RUVBL2: variants seen among roughly 807,000 people sequenced by gnomAD.
RUVBL2 encodes RuvB like AAA ATPase 2.
A neutral mutation model predicts 57.9 loss-of-function variants in RUVBL2; 9 were observed. The observed-to-expected ratio is 0.16, with a 90% CI of 0.09 to 0.27. RUVBL2 has a LOEUF of 0.27. Among genes scored for constraint, RUVBL2 ranks in the 10% least tolerant of loss-of-function variants. The probability of loss-of-function intolerance (pLI) is 1.00; values close to 1 mark genes in which losing one functional copy is unlikely to be tolerated. For missense variants in RUVBL2, 456 were observed against 669.6 expected (o/e 0.68, Z 3.52); for synonymous variants, 278 against 264.6 (o/e 1.05, Z -0.49).
In RUVBL2 at chr19:49,010,307, C is replaced by T. The variant is rs755274653; in HGVS notation, c.664-181C>T. On this transcript the variant is annotated intron_variant, in intron 8 of 14. Coordinates refer to ENST00000595090, the MANE Select transcript of RUVBL2 (RefSeq NM_006666.3). ...CTCCGGGAGCCCCCGTGACCCTCAG[C>T]GCTCTGGAATGTCCCTAGTCCTGAC... is the stretch of plus-strand genomic sequence containing the variant. 1.8e-4 allele frequency: 126 copies of T among 705,400 alleles called. 1 individual carries two copies. Among genetic ancestry groups the T allele is most frequent in the African/African-American group, 1.1e-3 (59 of 56,030 alleles). The allele number at this position is 705,400 out of a possible 1,614,324, so 43.7% of individuals were successfully genotyped here.
intron 6 of RUVBL2, among the ~76,000 whole-genome samples, chr19:49,009,160 CAAAAAAAAAAAAAAAAAAA>C (rs61402282): frequency 0.016 from 349 of 21,424 alleles, 12 homozygotes; most frequent in African/African-American, 0.068. Context: ...GACTCTATCT[CAAAAAAAAAAAAAAAAAAA>C]AAAAAAAAAA....
At chr19:49,010,215 C>A in intron 8 of RUVBL2, 149 bp downstream of exon 8, 1 of 803,514 alleles carries the variant, frequency 1.2e-6, no homozygotes, top group South Asian at 1.6e-5. Context: ...AACCCTAGGA[C>A]AGCAGGGCCC....
rs954075365 is a variant in RUVBL2, at chr19:49,011,594, G to A, written c.1001+284G>A. ...CCCAGGGTGCTGCAGGAAACTCACA[G>A]GAGTGCTGTGGGATGTTTTCTAGTC... is the stretch of plus-strand genomic sequence containing the variant. On this transcript the variant is annotated intron_variant, in intron 11 of 14. Transcript: ENST00000595090. The surrounding 1 kb of genome is among the most constrained non-coding windows in gnomAD (Gnocchi z 4.4). Among the ~76,000 whole-genome samples, 1 of 152,226 alleles carries A rather than the reference G, an allele frequency of 6.6e-6. No homozygotes were observed. Among genetic ancestry groups the A allele is most frequent in the African/African-American group, 2.4e-5 (1 of 41,450 alleles).
intron 2 of RUVBL2, chr19:49,001,594 A>G (rs1298153706): frequency 6.6e-6 from 1 of 150,990 alleles, no homozygotes; most frequent in Non-Finnish European, 1.5e-5. Flanking sequence ...CACTGGGGTC[A>G]GCAAATCTTT....
chr19:49,004,681 C>G (rs919487207), intron 4 of RUVBL2, among the ~76,000 whole-genome samples: 9 of 152,124 alleles, frequency 5.9e-5, no homozygotes, highest in African/African-American at 2.2e-4. Flanking sequence ...TCCAAGAGGG[C>G]TGCCAGAGCT....
At chr19:48,999,200 C>T in intron 1 of RUVBL2, 119 bp from the exon 2 acceptor site, 1 of 1,077,710 alleles carries the variant, frequency 9.3e-7, no homozygotes, top group Non-Finnish European at 1.4e-6. Flanking sequence ...TGGTGCCTGT[C>T]CCATCGCCTG....
chr19:49,015,242 A>G (rs2039521953), intron 13 of RUVBL2, 92 bp downstream of exon 13: 7 of 1,515,698 alleles, frequency 4.6e-6, no homozygotes. Flanking sequence ...TCATCCTAGA[A>G]TGTACGTTTT....
At chr19:49,004,243 A>G (rs1185572313) in intron 3 of RUVBL2, 34 bp from the exon 4 acceptor site, 3 of 1,605,576 alleles carry the variant, frequency 1.9e-6, no homozygotes, top group Non-Finnish European at 1.7e-6. Flanking sequence ...GTAGCCCCAC[A>G]GGAAATCACC....
At chr19:49,008,008 CT>C (rs915809242) in intron 6 of RUVBL2, among the ~76,000 whole-genome samples, 1,300 of 90,404 alleles carry the variant, frequency 0.014, 25 homozygotes, top group African/African-American at 0.044. Flanking sequence ...TACCTGGCCT[CT>C]TTTTTTTTTT....
rs543755364 is a variant in RUVBL2, at chr19:48,998,725, A to G, written c.13-594A>G. On this transcript the variant is annotated intron_variant, in intron 1 of 14. Coordinates refer to ENST00000595090, the MANE Select transcript of RUVBL2 (RefSeq NM_006666.3). ...TCCGTCTCAAAAAATAAGAAAAAAA[A>G]AAAAGAAATGGGGAGGACTTAGCCG... Among the ~76,000 whole-genome samples the G allele has an allele frequency of 8.2e-5, 12 of 145,618 alleles. No homozygotes were observed. In the East Asian group the frequency reaches 2.1e-3, roughly 26 times the overall value.
In RUVBL2 at chr19:49,010,011, C is replaced by G; in HGVS notation, c.608C>G (p.Ser203Cys). The G allele has an allele frequency of 6.3e-7, 1 of 1,591,566 alleles. No homozygotes were observed. Among genetic ancestry groups the G allele is most frequent in the East Asian group, 2.2e-5 (1 of 44,628 alleles). The change falls in exon 8 of 15, where the codon TCC becomes TGC. Residue 203 changes from serine to cysteine, a missense_variant. Ser to Cys is a moderately radical substitution (Grantham distance 112). Around this residue, in one of 5 missense-constraint regions of RUVBL2, gnomAD observed 233 missense variants for 306.0 expected, o/e 0.76. Transcript: ENST00000595090. ...ITIDKATGKI[S>C]KLGRSFTRAR... The stretch of plus-strand genomic sequence containing the variant: ...ATCGACAAGGCGACGGGCAAGATCT[C>G]CAAGCTGGGCCGCTCCTTCACACGC...
At chr19:48,993,740 C>G, upstream of RUVBL2, 1 of 795,394 alleles carries the variant, frequency 1.3e-6, no homozygotes, top group South Asian at 1.6e-5. Flanking sequence ...CGTCTTCCAG[C>G]GCAGCCTCGG....
At chr19:49,007,474 A>G (rs1168024693) in intron 6 of RUVBL2, 106 bp downstream of exon 6, 7 of 1,025,970 alleles carry the variant, frequency 6.8e-6, no homozygotes, top group Non-Finnish European at 8.7e-6. Flanking sequence ...GGAATGTTCT[A>G]GCTGCAGACT....
chr19:49,013,575 G>C (rs964180317), intron 11 of RUVBL2, among the ~76,000 whole-genome samples: 34 of 152,262 alleles, frequency 2.2e-4, no homozygotes, highest in African/African-American at 7.9e-4. Flanking sequence ...CTCCATGTTA[G>C]AGAATAAACA....
At chr19:49,005,520 G>A (rs993694445) in intron 4 of RUVBL2, among the ~76,000 whole-genome samples, 6 of 152,128 alleles carry the variant, frequency 3.9e-5, no homozygotes, top group African/African-American at 1.4e-4. Flanking sequence ...CCTGAGCTAA[G>A]CCTAGTAGGA....
chr19:49,004,488 C>T, intron 4 of RUVBL2, 70 bp downstream of exon 4: 1 of 1,465,668 alleles, frequency 6.8e-7, no homozygotes, highest in Non-Finnish European at 9.3e-7. Context: ...AAGTCAGGGT[C>T]AGGATGAGCC....
chr19:49,009,480 C>T (rs1400224285), intron 6 of RUVBL2, among the ~76,000 whole-genome samples: 1 of 151,888 alleles, frequency 6.6e-6, no homozygotes, highest in Non-Finnish European at 1.5e-5. Context: ...GAGCAAGACT[C>T]CGTCTCAAAA....
chr19:48,994,163 C>T (rs918721552), intron 1 of RUVBL2: 2 of 591,386 alleles, frequency 3.4e-6, no homozygotes, highest in Non-Finnish European at 6.0e-6. Context: ...GGTCTGGCCC[C>T]ATCATGCTAT....
intron 2 of RUVBL2, among the ~76,000 whole-genome samples, chr19:49,002,058 T>TTTTG (rs962393057): frequency 6.6e-6 from 1 of 150,872 alleles, no homozygotes; most frequent in African/African-American, 2.4e-5. Flanking sequence ...TTTTTGTTGT[T>TTTTG]TTTTTTTTGA....
Sources: allele counts gnomAD v4.1 joint callset (sites outside exome capture counted in the v4.1 genomes callset), GRCh38; gene constraint gnomAD v4.1.1; regional missense constraint gnomAD v4.1.1; non-coding constraint Gnocchi (gnomAD v3.1); transcripts MANE v1.5; gene names NCBI Gene and HGNC (gene_info 2026-07-23, HGNC 2026-07-21).